Variants in DRC11 observed in about 807,000 individuals in gnomAD.
DRC11 encodes the protein IQ and AAA domain-containing protein 1.
the DRC11 span, among the ~76,000 whole-genome samples, chr2:236,460,128 A>C: frequency 6.6e-6 from 1 of 152,226 alleles, no homozygotes; most frequent in African/African-American, 2.4e-5. The surrounding 1 kb of genome is among the most constrained non-coding windows in gnomAD (Gnocchi z 4.0). Flanking sequence ...AGTCAATCAG[A>C]TAAGTGTAAT....
At chr2:236,320,175 A>G in the DRC11 span, among the ~76,000 whole-genome samples, 25,803 of 152,244 alleles carry the variant, frequency 0.17, 5,276 homozygotes, top group African/African-American at 0.49. Flanking sequence ...AGGTGCTTTC[A>G]CACATATATT....
the DRC11 span, among the ~76,000 whole-genome samples, chr2:236,360,547 T>TC: frequency 1.3e-5 from 2 of 152,330 alleles, no homozygotes; most frequent in Non-Finnish European, 2.9e-5. The surrounding 1 kb of genome is among the most constrained non-coding windows in gnomAD (Gnocchi z 5.8). Flanking sequence ...ATTTTACCTT[T>TC]CCTCTGAAGA....
the DRC11 span, among the ~76,000 whole-genome samples, chr2:236,506,003 A>G: frequency 0.067 from 10,215 of 152,186 alleles, 854 homozygotes; most frequent in African/African-American, 0.19. This position sits in a 1 kb window ranked among gnomAD's most constrained non-coding sequence, Gnocchi z 4.9. Flanking sequence ...AAGTCTTTCT[A>G]TCTCATCATA....
chr2:236,372,446 C>T, the DRC11 span, among the ~76,000 whole-genome samples: 1 of 152,116 alleles, frequency 6.6e-6, no homozygotes, highest in Non-Finnish European at 1.5e-5. This position sits in a 1 kb window ranked among gnomAD's most constrained non-coding sequence, Gnocchi z 4.5. Context: ...ACTCCAAGAA[C>T]AGTTTTTGTA....
chr2:236,492,577 T>C, the DRC11 span, among the ~76,000 whole-genome samples: 3 of 152,218 alleles, frequency 2.0e-5, no homozygotes, highest in South Asian at 4.1e-4. Flanking sequence ...TAGTTACTCA[T>C]AGTGCCCCTT....
the DRC11 span, among the ~76,000 whole-genome samples, chr2:236,459,552 CAT>C: frequency 4.7e-3 from 540 of 113,856 alleles, 7 homozygotes; most frequent in Non-Finnish European, 7.6e-3. Context: ...TATACGTATA[CAT>C]GTATACGTAT....
At chr2:236,373,406 A>C in the DRC11 span, among the ~76,000 whole-genome samples, 19 of 152,046 alleles carry the variant, frequency 1.2e-4, no homozygotes, top group East Asian at 2.9e-3. Flanking sequence ...GTGTGCCATC[A>C]CACCTGGCTA....
the DRC11 span, among the ~76,000 whole-genome samples, chr2:236,473,512 C>A: frequency 6.6e-6 from 1 of 152,218 alleles, no homozygotes; most frequent in Non-Finnish European, 1.5e-5. This position sits in a 1 kb window ranked among gnomAD's most constrained non-coding sequence, Gnocchi z 4.8. Flanking sequence ...GACAGGTCTT[C>A]CTCTTTAATA....
chr2:236,325,336 T>C, the DRC11 span, among the ~76,000 whole-genome samples: 1 of 152,214 alleles, frequency 6.6e-6, no homozygotes, highest in African/African-American at 2.4e-5. This position sits in a 1 kb window ranked among gnomAD's most constrained non-coding sequence, Gnocchi z 4.4. Context: ...CAATATTTCA[T>C]TGCAGGATTA....
At chr2:236,445,175 C>T in the DRC11 span, among the ~76,000 whole-genome samples, 1 of 152,080 alleles carries the variant, frequency 6.6e-6, no homozygotes, top group Admixed American at 6.6e-5. The surrounding 1 kb of genome is among the most constrained non-coding windows in gnomAD (Gnocchi z 4.8). Flanking sequence ...TTTTTGAGGA[C>T]TCAAAACAAA....
the DRC11 span, among the ~76,000 whole-genome samples, chr2:236,498,461 TAAA>T: frequency 3.1e-5 from 4 of 126,984 alleles, no homozygotes; most frequent in African/African-American, 1.1e-4. Flanking sequence ...GAGACTGTCT[TAAA>T]AAAAAAAAAA....
chr2:236,332,460 G>T, the DRC11 span: 1 of 152,206 alleles, frequency 6.6e-6, no homozygotes, highest in East Asian at 1.9e-4. The surrounding 1 kb of genome is among the most constrained non-coding windows in gnomAD (Gnocchi z 5.1). Context: ...GTGGAGAAGG[G>T]TGAAGGGTGT....
At chr2:236,430,210 C>T in the DRC11 span, among the ~76,000 whole-genome samples, 1 of 152,066 alleles carries the variant, frequency 6.6e-6, no homozygotes, top group Non-Finnish European at 1.5e-5. This position sits in a 1 kb window ranked among gnomAD's most constrained non-coding sequence, Gnocchi z 6.0. Context: ...CACACACACA[C>T]ACACACACAC....
At chr2:236,493,490 C>T in the DRC11 span, among the ~76,000 whole-genome samples, 3 of 152,318 alleles carry the variant, frequency 2.0e-5, no homozygotes, top group African/African-American at 7.2e-5. Flanking sequence ...TGAGATGAAA[C>T]ATTAAACTGC....
chr2:236,386,967 G>A, the DRC11 span, among the ~76,000 whole-genome samples: 1 of 148,114 alleles, frequency 6.8e-6, no homozygotes. Flanking sequence ...ATGTAGTTGA[G>A]TGGTTTTGAG....
chr2:236,444,797 C>T, the DRC11 span, among the ~76,000 whole-genome samples: 2 of 152,226 alleles, frequency 1.3e-5, no homozygotes, highest in African/African-American at 4.8e-5. Flanking sequence ...AGTCAACCAA[C>T]AAATATCTGT....
chr2:236,390,349 A>G, the DRC11 span, among the ~76,000 whole-genome samples: 5 of 152,060 alleles, frequency 3.3e-5, no homozygotes, highest in Non-Finnish European at 7.4e-5. This position sits in a 1 kb window ranked among gnomAD's most constrained non-coding sequence, Gnocchi z 5.9. Context: ...CTTTCAGCCT[A>G]TGTGTCCCTA....
chr2:236,480,743 T>C, the DRC11 span, among the ~76,000 whole-genome samples: 1 of 152,240 alleles, frequency 6.6e-6, no homozygotes, highest in African/African-American at 2.4e-5. Flanking sequence ...TCTTGCTTTG[T>C]CTCATTGAGG....
the DRC11 span, among the ~76,000 whole-genome samples, chr2:236,365,032 ACT>A: frequency 5.3e-5 from 8 of 151,714 alleles, no homozygotes; most frequent in African/African-American, 1.9e-4. This position sits in a 1 kb window ranked among gnomAD's most constrained non-coding sequence, Gnocchi z 7.4. Flanking sequence ...TAAAGGAGAG[ACT>A]CTTTTTCCAC....
Sources: allele counts gnomAD v4.1 joint callset (sites outside exome capture counted in the v4.1 genomes callset), GRCh38; gene constraint gnomAD v4.1.1; non-coding constraint Gnocchi (gnomAD v3.1); transcripts MANE v1.5; gene names NCBI Gene and HGNC (gene_info 2026-07-23, HGNC 2026-07-21).